PDZD2: variants seen among roughly 807,000 people sequenced by gnomAD.
PDZD2 encodes PDZ domain containing 2.
A neutral mutation model predicts 220.7 loss-of-function variants in PDZD2; 90 were observed. The ratio of observed to expected loss-of-function variants is 0.41; its 90% CI spans 0.34 to 0.49. The LOEUF is 0.49. Among genes scored for constraint, PDZD2 ranks in the 20% least tolerant of loss-of-function variants. The pLI is 0.28. For missense variants in PDZD2, 3,174 were observed against 3,608.5 expected (o/e 0.88, Z 3.08); for synonymous variants, 1,375 against 1,450.5 (o/e 0.95, Z 1.18).
intron 2 of PDZD2, among the ~76,000 whole-genome samples, chr5:31,827,566 G>T (rs557693012): frequency 6.6e-6 from 1 of 151,878 alleles, no homozygotes; most frequent in Non-Finnish European, 1.5e-5. Context: ...GGTGGCATGC[G>T]CCTGTAATCT....
intron 23 of PDZD2, chr5:32,099,458 G>A (rs908036624): frequency 1.7e-4 from 26 of 152,184 alleles, no homozygotes; most frequent in African/African-American, 6.3e-4. Flanking sequence ...GCTGAAAATG[G>A]CTCCGATTCC....
chr5:31,978,714 C>CAAAAA (rs10632600), intron 2 of PDZD2, among the ~76,000 whole-genome samples: 82 of 128,020 alleles, frequency 6.4e-4, no homozygotes, highest in African/African-American at 2.6e-3. Flanking sequence ...GACTCCATCT[C>CAAAAA]AAAAAAAAAA....
intron 5 of PDZD2, among the ~76,000 whole-genome samples, chr5:32,002,919 CCA>C (rs1451317060): frequency 2.5e-5 from 3 of 121,966 alleles, no homozygotes; most frequent in African/African-American, 6.2e-5. Flanking sequence ...CACACACACA[CCA>C]CACACACCTC....
Position 31,931,433 on chromosome 5 carries a change from C to T in PDZD2, c.477-51722C>T, listed in dbSNP as rs548017101. Among the ~76,000 whole-genome samples, 7 of 152,340 alleles carry T rather than the reference C, an allele frequency of 4.6e-5. No individual in the cohort carries two copies. The East Asian group carries it at 9.6e-4, about 21-fold the overall frequency. On this transcript the variant is annotated intron_variant, in intron 2 of 24. Coordinates refer to ENST00000438447, the MANE Select transcript of PDZD2 (RefSeq NM_178140.4). ...TTGACCTCCCAAAGTACTGGAATTA[C>T]AGGCGTGAGGCGCTGTGCCTGGCCG...
At chr5:32,046,462 C>T (rs1223580876) in intron 7 of PDZD2, among the ~76,000 whole-genome samples, 2 of 152,044 alleles carry the variant, frequency 1.3e-5, no homozygotes, top group African/African-American at 2.4e-5. Context: ...AGTGCAGTCT[C>T]GAATTCCTGA....
At chr5:31,885,180 G>GA in intron 2 of PDZD2, among the ~76,000 whole-genome samples, 1 of 140,564 alleles carries the variant, frequency 7.1e-6, no homozygotes, top group African/African-American at 2.6e-5. Flanking sequence ...AAAAGAAAAA[G>GA]AAAAAAATGC....
At chr5:31,672,778 G>T (rs1746262843) in intron 1 of PDZD2, among the ~76,000 whole-genome samples, 1 of 152,174 alleles carries the variant, frequency 6.6e-6, no homozygotes, top group South Asian at 2.1e-4. Context: ...TGTGCAGTAG[G>T]GTGAGCAGGT....
chr5:31,716,817 A>T (rs865919711), intron 1 of PDZD2, among the ~76,000 whole-genome samples: 4 of 152,196 alleles, frequency 2.6e-5, no homozygotes, highest in Admixed American at 2.0e-4. Flanking sequence ...AAATATAAAA[A>T]ATAGAATTGG....
chr5:31,671,978 G>A (rs567357107), intron 1 of PDZD2, among the ~76,000 whole-genome samples: 2 of 152,260 alleles, frequency 1.3e-5, no homozygotes, highest in African/African-American at 4.8e-5. Flanking sequence ...CTCAGCATTA[G>A]CAATTCTGAT....
At chr5:31,709,154 G>A (rs1307863434) in intron 1 of PDZD2, among the ~76,000 whole-genome samples, 1 of 152,156 alleles carries the variant, frequency 6.6e-6, no homozygotes, top group African/African-American at 2.4e-5. Context: ...CCAAAGTGCT[G>A]GGATTACAGG....
At chr5:31,852,432 C>T (rs961137810) in intron 2 of PDZD2, among the ~76,000 whole-genome samples, 7 of 151,768 alleles carry the variant, frequency 4.6e-5, no homozygotes, top group East Asian at 3.9e-4. Flanking sequence ...ACCACAGGCG[C>T]GTGCCATCAC....
chr5:31,814,679 G>T (rs1419732792), intron 2 of PDZD2, among the ~76,000 whole-genome samples: 2 of 151,468 alleles, frequency 1.3e-5, no homozygotes, highest in Non-Finnish European at 2.9e-5. Context: ...ACAGCCAAGC[G>T]AGGTGGTGGG....
At chr5:32,031,969 C>T (rs540852917) in intron 6 of PDZD2, among the ~76,000 whole-genome samples, 1 of 152,244 alleles carries the variant, frequency 6.6e-6, no homozygotes, top group Non-Finnish European at 1.5e-5. Context: ...TCTGCATACA[C>T]CTCCTGTGCT....
intron 2 of PDZD2, among the ~76,000 whole-genome samples, chr5:31,897,244 T>C (rs1055067686): frequency 1.3e-5 from 2 of 152,202 alleles, no homozygotes; most frequent in African/African-American, 4.8e-5. Flanking sequence ...ACCAGGAGTA[T>C]GTCAGGCTGA....
At chr5:31,779,296 A>AC (rs1329122656) in intron 1 of PDZD2, among the ~76,000 whole-genome samples, 1 of 141,148 alleles carries the variant, frequency 7.1e-6, no homozygotes. Flanking sequence ...GACTTCTATC[A>AC]CCCCCAATTC....
At chr5:31,799,872 C>T (rs111747283) in intron 2 of PDZD2, 148 bp downstream of exon 2, 15 of 633,472 alleles carry the variant, frequency 2.4e-5, no homozygotes, top group South Asian at 7.7e-5. Context: ...ATCCATTCAA[C>T]GCAGCATCAC....
intron 2 of PDZD2, among the ~76,000 whole-genome samples, chr5:31,897,137 AT>A (rs1056981730): frequency 2.6e-5 from 4 of 151,762 alleles, no homozygotes; most frequent in South Asian, 2.1e-4. Context: ...AGGTTAAACT[AT>A]TTTTTTTCCT....
chr5:31,668,721 C>A (rs987655085), intron 1 of PDZD2, among the ~76,000 whole-genome samples: 15 of 152,032 alleles, frequency 9.9e-5, no homozygotes, highest in African/African-American at 3.4e-4. Context: ...CTAGGGAAAA[C>A]AAAATAATTC....
At chr5:31,809,061 T>C (rs1754918753) in intron 2 of PDZD2, among the ~76,000 whole-genome samples, 1 of 151,972 alleles carries the variant, frequency 6.6e-6, no homozygotes, top group Non-Finnish European at 1.5e-5. Context: ...ACATAGAAAA[T>C]CTATGTTTTT....
Sources: allele counts gnomAD v4.1 joint callset (sites outside exome capture counted in the v4.1 genomes callset), GRCh38; gene constraint gnomAD v4.1.1; transcripts MANE v1.5; gene names NCBI Gene and HGNC (gene_info 2026-07-23, HGNC 2026-07-21).